NME7: variants seen among roughly 807,000 people sequenced by gnomAD.
The protein encoded by NME7 is nucleoside diphosphate kinase 7.
NME7 carries 41 observed loss-of-function variants against 49.1 expected under a neutral mutation model. The ratio of observed to expected loss-of-function variants is 0.83; its 90% confidence interval spans 0.65 to 1.08. The LOEUF (loss-of-function observed/expected upper bound fraction) is 1.08. Among genes scored for constraint, NME7 ranks in the 50% least tolerant of loss-of-function variants. The pLI, the probability that NME7 is intolerant of heterozygous loss-of-function variation, is 0.00. For missense variants in NME7, 423 were observed against 463.4 expected (o/e 0.91, Z 0.80); for synonymous variants, 139 against 150.6 (o/e 0.92, Z 0.56).
At chr1:169,314,019 GA>G (rs1162717218) in intron 3 of NME7, among the ~76,000 whole-genome samples, 2 of 151,998 alleles carry the variant, frequency 1.3e-5, no homozygotes. Flanking sequence ...ACAGAGATAA[GA>G]AAATAGTTTC....
At chr1:169,286,440 T>C (rs1425538076) in intron 7 of NME7, 1 of 151,682 alleles carries the variant, frequency 6.6e-6, no homozygotes, top group Non-Finnish European at 1.5e-5. Context: ...CCATCTTACT[T>C]CCAAAAAGAT....
chr1:169,160,748 T>G (rs1166789515), intron 11 of NME7, among the ~76,000 whole-genome samples: 1 of 152,188 alleles, frequency 6.6e-6, no homozygotes, highest in Non-Finnish European at 1.5e-5. Flanking sequence ...ATTTTTAGAT[T>G]ATTAGATTTT....
At chr1:169,303,748 G>T (rs921903720) in intron 4 of NME7, among the ~76,000 whole-genome samples, 1 of 151,982 alleles carries the variant, frequency 6.6e-6, no homozygotes, top group Non-Finnish European at 1.5e-5. Flanking sequence ...CACCGCACCT[G>T]GCCTTATCCA....
rs960414612 is a variant in NME7 at position 169,235,526 on chromosome 1, C to G, written c.820-327G>C. Among the ~76,000 whole-genome samples the G allele has an allele frequency of 2.6e-5, 4 of 152,042 alleles. No individual in the cohort carries two copies. The South Asian group carries it at 8.3e-4, about 31-fold the overall frequency. ...CATACAACTTCCTCAAACTGGCATC[C>G]TATCTCAAGCAGTCTGACCCCATTG... On this transcript the variant is annotated intron_variant, in intron 8 of 11. Transcript: ENST00000367811.
intron 1 of NME7, among the ~76,000 whole-genome samples, chr1:169,364,045 C>T (rs1475329809): frequency 6.6e-6 from 1 of 152,232 alleles, no homozygotes; most frequent in Admixed American, 6.5e-5. Context: ...GACAACTTTT[C>T]TGACTCTGAC....
chr1:169,151,298 G>C (rs1658907742), intron 11 of NME7, among the ~76,000 whole-genome samples: 1 of 152,162 alleles, frequency 6.6e-6, no homozygotes, highest in Non-Finnish European at 1.5e-5. Flanking sequence ...GGGTGCTTCA[G>C]GGGCAGCTGA....
intron 10 of NME7, among the ~76,000 whole-genome samples, chr1:169,198,627 T>C (rs1660457561): frequency 6.6e-6 from 1 of 152,118 alleles, no homozygotes; most frequent in African/African-American, 2.4e-5. Flanking sequence ...ACATATTATA[T>C]GATCTCATTC....
At chr1:169,208,536 C>T (rs1449150183) in intron 10 of NME7, among the ~76,000 whole-genome samples, 1 of 152,062 alleles carries the variant, frequency 6.6e-6, no homozygotes, top group Non-Finnish European at 1.5e-5. Context: ...AGCTAACTCC[C>T]CAGTGGAAAT....
intron 11 of NME7, among the ~76,000 whole-genome samples, chr1:169,135,012 T>C (rs1406700209): frequency 2.0e-4 from 1 of 4,946 alleles, no homozygotes; most frequent in Non-Finnish European, 4.4e-4. Context: ...CCCCCGTCTC[T>C]ACAAAAAAAA....
At chr1:169,163,205 C>T (rs560923252) in intron 11 of NME7, among the ~76,000 whole-genome samples, 2 of 151,886 alleles carry the variant, frequency 1.3e-5, no homozygotes, top group African/African-American at 4.8e-5. Flanking sequence ...ACAACTAACA[C>T]TGAAGTGGAG....
At chr1:169,249,472 T>C (rs1041289575) in intron 7 of NME7, among the ~76,000 whole-genome samples, 3 of 152,284 alleles carry the variant, frequency 2.0e-5, no homozygotes, top group Admixed American at 6.5e-5. Context: ...ATGCCCTTTG[T>C]TTCTTATCCT....
At chr1:169,251,544 T>G (rs983397043) in intron 7 of NME7, among the ~76,000 whole-genome samples, 2 of 103,062 alleles carry the variant, frequency 1.9e-5, no homozygotes, top group African/African-American at 6.3e-5. Context: ...GATACTCTGG[T>G]TTCTTTTTTT....
chr1:169,247,053 C>CACAGT lies in NME7; in HGVS notation c.755-9367_755-9366insACTGT, dbSNP rs1382601285. On this transcript the variant is annotated intron_variant, in intron 7 of 11. Transcript: ENST00000367811. ...TTCCAGGAAAGAGTAGTCAGGGGTT[C>CACAGT]CTCCTCACTGTGAAGAAAGACAGGC... is the stretch of plus-strand genomic sequence containing the variant. 1.3e-5 allele frequency: 6 copies of CACAGT among 456,060 alleles called. No individual in the cohort carries two copies. In the Middle Eastern group the frequency reaches 9.7e-4, roughly 74 times the overall value. The allele number at this position is 456,060 out of a possible 1,614,324, so 28.3% of individuals were successfully genotyped here.
At chr1:169,247,897 T>TA (rs1240536179) in intron 7 of NME7, among the ~76,000 whole-genome samples, 4 of 152,190 alleles carry the variant, frequency 2.6e-5, no homozygotes, top group Non-Finnish European at 5.9e-5. Flanking sequence ...AATGGACACT[T>TA]AGATTGGTTC....
At chr1:169,299,236 T>A (rs1650833028) in intron 5 of NME7, among the ~76,000 whole-genome samples, 1 of 151,688 alleles carries the variant, frequency 6.6e-6, no homozygotes, top group African/African-American at 2.4e-5. Context: ...GACAAAGAAC[T>A]CTCTTAATCA....
chr1:169,254,774 C>T (rs1380214101), intron 7 of NME7, among the ~76,000 whole-genome samples: 2 of 140,884 alleles, frequency 1.4e-5, no homozygotes, highest in South Asian at 2.3e-4. Context: ...TCTTTGTTCT[C>T]GTTGGTTTCA....
At chr1:169,278,357 C>T (rs1341975236) in intron 7 of NME7, among the ~76,000 whole-genome samples, 1 of 152,094 alleles carries the variant, frequency 6.6e-6, no homozygotes, top group Non-Finnish European at 1.5e-5. Context: ...TTCACATAGT[C>T]CCATATTTCT....
intron 10 of NME7, among the ~76,000 whole-genome samples, chr1:169,227,307 T>G (rs1444985282): frequency 6.6e-6 from 1 of 152,160 alleles, no homozygotes; most frequent in Non-Finnish European, 1.5e-5. Flanking sequence ...ATTCAAAACT[T>G]TAACCATATC....
chr1:169,266,236 C>G (rs1649316884), intron 7 of NME7, among the ~76,000 whole-genome samples: 1 of 133,374 alleles, frequency 7.5e-6, no homozygotes, highest in Non-Finnish European at 1.8e-5. Context: ...CAAGCCAAAT[C>G]CAGCAGCACA....
Sources: allele counts gnomAD v4.1 joint callset (sites outside exome capture counted in the v4.1 genomes callset), GRCh38; gene constraint gnomAD v4.1.1; transcripts MANE v1.5; gene names NCBI Gene and HGNC (gene_info 2026-07-23, HGNC 2026-07-21).